The following ANKMY2 variants were observed in gnomAD, a reference collection of about 807,000 sequenced individuals.
ANKMY2 encodes the protein ankyrin repeat and MYND domain-containing protein 2.
ANKMY2 carries 36 observed loss-of-function variants against 50.4 expected under a neutral mutation model. The ratio of observed to expected loss-of-function variants is 0.71; its 90% CI spans 0.55 to 0.94. ANKMY2 has a LOEUF of 0.94. Ranked by LOEUF, ANKMY2 falls within the 40% of genes least tolerant of loss-of-function variation. ANKMY2 has a pLI of 0.00. For missense variants in ANKMY2, 565 were observed against 524.0 expected (o/e 1.08, Z -0.76); for synonymous variants, 187 against 178.8 (o/e 1.05, Z -0.36).
chr7:16,600,840 T>G lies in ANKMY2; in HGVS notation c.1247A>C (p.Lys416Thr). 1 of 1,613,682 alleles carries G rather than the reference T, an allele frequency of 6.2e-7. No individual in the cohort carries two copies. The highest frequency in any genetic ancestry group is 8.5e-7 in the Non-Finnish European group (1 of 1,179,838). Residue 416 changes from lysine (K) to threonine (T), a missense_variant, in exon 10 of 10, where the codon AAG becomes ACG. Physicochemically the swap from Lys to Thr is moderately conservative, Grantham distance 78 (BLOSUM62 -1). Coordinates refer to ENST00000306999, the MANE Select transcript of ANKMY2 (RefSeq NM_020319.3). ...DSNPEDSGEG[K>T]KESLESEAEL... ...AGCTTCGCTTTCAAGAGATTCTTTC[T>G]TTCCTTCCCCGGAATCTTCAGGATT...
chr7:16,628,548 G>T (rs1013559794), intron 2 of ANKMY2, among the ~76,000 whole-genome samples: 2 of 152,052 alleles, frequency 1.3e-5, no homozygotes, highest in African/African-American at 2.4e-5. Context: ...TCTCATTGCC[G>T]TGCTTCAAGG....
intron 7 of ANKMY2, 27 bp downstream of exon 7, chr7:16,609,603 A>G (rs1554400539): frequency 7.0e-6 from 11 of 1,574,422 alleles, no homozygotes; most frequent in Non-Finnish European, 9.4e-6. Flanking sequence ...TTACTGATAG[A>G]GTCAACTTAG....
intron 1 of ANKMY2, among the ~76,000 whole-genome samples, chr7:16,643,780 A>G (rs1200262556): frequency 1.3e-5 from 2 of 150,924 alleles, no homozygotes; most frequent in African/African-American, 4.9e-5. Context: ...GCACTTAGGG[A>G]GGCCGAGGCA....
rs754416284 is a variant in ANKMY2 at position 16,615,736 on chromosome 7, C to G, written c.531+8G>C. On this transcript the variant is annotated splice_region_variant and intron_variant, in intron 5 of 9. Transcript: ENST00000306999. Reference sequence around the variant, plus strand: ...CATAAAAAGCAAATACGGTAGACACCACACTACCTTGACAGGATGAAGATT... The same window carrying G: ...CATAAAAAGCAAATACGGTAGACACGACACTACCTTGACAGGATGAAGATT... 2 of 1,614,052 alleles carry G rather than the reference C, an allele frequency of 1.2e-6. No homozygotes were observed. Among genetic ancestry groups the G allele is most frequent in the Admixed American group, 1.7e-5 (1 of 59,996 alleles).
At chr7:16,631,560 T>G (rs942725340) in intron 2 of ANKMY2, among the ~76,000 whole-genome samples, 7 of 152,158 alleles carry the variant, frequency 4.6e-5, no homozygotes, top group African/African-American at 1.7e-4. Flanking sequence ...TAAAAATATT[T>G]ATACAAATTT....
chr7:16,626,967 T>G (rs1781514873), intron 3 of ANKMY2, 73 bp downstream of exon 3: 1 of 1,206,576 alleles, frequency 8.3e-7, no homozygotes, highest in African/African-American at 1.6e-5. Flanking sequence ...AAAATGAATT[T>G]AATCTTTTAG....
At chr7:16,614,585 A>C (rs1781310977) in intron 5 of ANKMY2, among the ~76,000 whole-genome samples, 1 of 152,346 alleles carries the variant, frequency 6.6e-6, no homozygotes, top group African/African-American at 2.4e-5. Flanking sequence ...GCATCAACAA[A>C]GTAATAAGAT....
In ANKMY2 at chr7:16,636,395, T is replaced by C; in HGVS notation, c.128A>G (p.Asp43Gly). 1.3e-6 allele frequency: 2 copies of C among 1,576,882 alleles called. No homozygotes were observed. Among genetic ancestry groups the C allele is most frequent in the Non-Finnish European group, 1.7e-6 (2 of 1,160,114 alleles). Reference sequence around the variant, plus strand: ...ATTAAACTTCTAAAATCTTACCTCGTCCAAACAGTTGACACGAACATTCTT... The same window carrying C: ...ATTAAACTTCTAAAATCTTACCTCGCCCAAACAGTTGACACGAACATTCTT... ...SSKNVRVNCL[D>G]ENGMTPLMHA... Residue 43 changes from aspartate (D) to glycine (G), a missense_variant, in exon 2 of 10, where the codon GAC becomes GGC. By Grantham distance (94) the Asp-to-Gly change is moderately conservative. Coordinates refer to ENST00000306999, the MANE Select transcript of ANKMY2 (RefSeq NM_020319.3).
chr7:16,635,002 G>A (rs945240956), intron 2 of ANKMY2, among the ~76,000 whole-genome samples: 5 of 151,958 alleles, frequency 3.3e-5, no homozygotes, highest in African/African-American at 1.2e-4. Flanking sequence ...AACCCATAAA[G>A]AGAAGATAAA....
chr7:16,609,906 A>G, intron 6 of ANKMY2, 141 bp from the exon 7 acceptor site: 1 of 1,060,596 alleles, frequency 9.4e-7, no homozygotes, highest in East Asian at 2.7e-5. Context: ...GCTCAGTTCA[A>G]ATTGCTGTTC....
intron 4 of ANKMY2, among the ~76,000 whole-genome samples, chr7:16,621,314 C>A (rs1259702738): frequency 6.6e-6 from 1 of 152,046 alleles, no homozygotes; most frequent in Non-Finnish European, 1.5e-5. Context: ...AAGTCAGTCC[C>A]CTCCCCTAAA....
At chr7:16,614,307 A>G (rs911380037) in intron 5 of ANKMY2, among the ~76,000 whole-genome samples, 1 of 152,264 alleles carries the variant, frequency 6.6e-6, no homozygotes, top group Non-Finnish European at 1.5e-5. Flanking sequence ...AATCTCCACT[A>G]GAAACATGAG....
chr7:16,625,670 A>G (rs933084236), intron 3 of ANKMY2, among the ~76,000 whole-genome samples: 3 of 152,174 alleles, frequency 2.0e-5, no homozygotes, highest in African/African-American at 7.2e-5. Flanking sequence ...CCTTAGGAAC[A>G]GTTCCTGGGA....
intron 5 of ANKMY2, among the ~76,000 whole-genome samples, chr7:16,613,234 A>G (rs1409811440): frequency 6.6e-6 from 1 of 152,200 alleles, no homozygotes; most frequent in Non-Finnish European, 1.5e-5. Flanking sequence ...ATCTAGACAC[A>G]AATACAGCTA....
intron 3 of ANKMY2, among the ~76,000 whole-genome samples, chr7:16,625,539 C>T (rs991299992): frequency 2.6e-5 from 4 of 152,162 alleles, no homozygotes; most frequent in African/African-American, 7.2e-5. Flanking sequence ...TCTATCTAAA[C>T]ATACACATTA....
intron 4 of ANKMY2, among the ~76,000 whole-genome samples, chr7:16,622,606 G>A (rs1781451807): frequency 6.6e-6 from 1 of 152,070 alleles, no homozygotes; most frequent in Admixed American, 6.6e-5. Flanking sequence ...TAGGCGTGGT[G>A]GCGCACACCT....
chr7:16,633,348 T>C (rs1350635442), intron 2 of ANKMY2, among the ~76,000 whole-genome samples: 2 of 152,086 alleles, frequency 1.3e-5, no homozygotes, highest in East Asian at 3.9e-4. Context: ...CTTTTTTTAG[T>C]ATACTTACTC....
At chr7:16,622,704 C>T (rs62443208) in intron 4 of ANKMY2, among the ~76,000 whole-genome samples, 26,798 of 151,440 alleles carry the variant, frequency 0.18, 2,643 homozygotes, top group Middle Eastern at 0.26. Context: ...TGGGCCACTG[C>T]ACTCCAGCCT....
chr7:16,622,750 GAATA>G (rs146183196), intron 4 of ANKMY2, among the ~76,000 whole-genome samples: 56,369 of 133,188 alleles, frequency 0.42, 11,091 homozygotes, highest in Non-Finnish European at 0.48. Context: ...AAAAATAAAT[GAATA>G]AATAAATAAA....
Sources: allele counts gnomAD v4.1 joint callset (sites outside exome capture counted in the v4.1 genomes callset), GRCh38; gene constraint gnomAD v4.1.1; transcripts MANE v1.5; gene names NCBI Gene and HGNC (gene_info 2026-07-23, HGNC 2026-07-21).